SH2D6: variants seen among roughly 807,000 people sequenced by gnomAD.
SH2D6 encodes SH2 domain containing 6.
A neutral mutation model predicts 30.2 loss-of-function variants in SH2D6; 31 were observed. The ratio of observed to expected loss-of-function variants is 1.03; its 90% CI spans 0.77 to 1.38. The LOEUF is 1.38. Ranked by LOEUF, SH2D6 falls within the 40% of genes most tolerant of loss-of-function variation. The pLI, the probability that SH2D6 is intolerant of heterozygous loss-of-function variation, is 0.00. For missense variants in SH2D6, 240 were observed against 266.8 expected, an observed-to-expected ratio of 0.90 and a Z score of 0.70; for synonymous variants, 93 against 104.6, an observed-to-expected ratio of 0.89 and a Z score of 0.68.
At chr2:85,420,369 C>T (rs1687705007) in intron 2 of SH2D6, among the ~76,000 whole-genome samples, 1 of 152,238 alleles carries the variant, frequency 6.6e-6, no homozygotes, top group Non-Finnish European at 1.5e-5. Flanking sequence ...ATCAGCCCAC[C>T]TTGGCCTCCC....
rs1688372990 is a variant in SH2D6 at position 85,429,589 on chromosome 2, C to G, written c.6C>G (p.Asp2Glu). The G allele has an allele frequency of 6.5e-6, 1 of 152,728 alleles. No individual in the cohort carries two copies. The highest frequency in any genetic ancestry group is 2.4e-5 in the African/African-American group (1 of 41,394). 9.5% of individuals were successfully genotyped at this position (152,728 alleles called of 1,614,324 possible). A position where few individuals can be genotyped will look rare whatever the true frequency, so the allele number is the denominator to read the frequency against. M[D>E]KLSGSRPRLG... ...CTCCCCACCCTGGCTTTTTCCAGGA[C>G]AAGCTCAGTGGGAGCAGGCCCCGGT... Residue 2 changes from aspartate to glutamate, a missense_variant and splice_region_variant, in exon 9 of 24, where the codon GAC becomes GAG. Asp to Glu is a conservative substitution (Grantham distance 45). Coordinates refer to ENST00000469800, the MANE Select transcript of SH2D6 (RefSeq NM_001394463.1).
intron 19 of SH2D6, 121 bp downstream of exon 19, chr2:85,434,618 A>T (rs1689174941): frequency 7.2e-5 from 20 of 277,344 alleles, no homozygotes; most frequent in South Asian, 1.5e-4. Flanking sequence ...GACTAGACTT[A>T]AAAAAAAAAA....
rs1465793123 is a variant in SH2D6 at position 85,435,098 on chromosome 2, C to T, written c.623C>T (p.Pro208Leu). ...GRKSSLPSVA[P>L]TGSASAAEDS... is the part of the protein sequence containing the mutation. Reference sequence around the variant, plus strand: ...AAATCGTCTCTTCCCTCTGTAGCCCCCACTGGGAGTGCCTCAGCTGCTGAG... The same window carrying T: ...AAATCGTCTCTTCCCTCTGTAGCCCTCACTGGGAGTGCCTCAGCTGCTGAG... Residue 208 changes from proline to leucine, a missense_variant, in exon 20 of 24, where the codon CCC (proline) becomes CTC (leucine). By Grantham distance (98) the Pro-to-Leu change is moderately conservative. Coordinates refer to ENST00000469800, the MANE Select transcript of SH2D6 (RefSeq NM_001394463.1). 6.2e-7 allele frequency: 1 copy of T among 1,610,784 alleles called. No individual in the cohort carries two copies. Among genetic ancestry groups the T allele is most frequent in the Non-Finnish European group, 8.5e-7 (1 of 1,179,038 alleles).
intron 14 of SH2D6, among the ~76,000 whole-genome samples, chr2:85,432,283 T>C (rs1014077010): frequency 2.6e-5 from 4 of 151,462 alleles, no homozygotes; most frequent in African/African-American, 9.7e-5. Flanking sequence ...AGTCTCGCTC[T>C]GTTACCCATG....
rs1368225233 is a variant in SH2D6, at chr2:85,435,531, C to G, written c.732+35C>G. On this transcript the variant is annotated intron_variant, in intron 21 of 23. Transcript: ENST00000469800. Reference sequence around the variant, plus strand: ...CACGGACCCCGGGTCTTCTCCAAAACCCCTTTTGCTCACAGGCTGTGGCTG... The same window carrying G: ...CACGGACCCCGGGTCTTCTCCAAAAGCCCTTTTGCTCACAGGCTGTGGCTG... The G allele has an allele frequency of 2.5e-6, 4 of 1,606,496 alleles. No homozygotes were observed. The African/African-American group carries it at 5.3e-5, about 21-fold the overall frequency.
intron 20 of SH2D6, 133 bp downstream of exon 20, chr2:85,435,256 C>A: frequency 3.2e-6 from 4 of 1,240,176 alleles, no homozygotes; most frequent in South Asian, 2.6e-5. Flanking sequence ...TGCGGCACCC[C>A]GCCGTGCCCC....
chr2:85,427,544 G>T (rs1275171726), intron 6 of SH2D6, among the ~76,000 whole-genome samples: 1 of 152,206 alleles, frequency 6.6e-6, no homozygotes, highest in Non-Finnish European at 1.5e-5. Flanking sequence ...AGAGCAGGGA[G>T]GTGGCTGGAG....
chr2:85,421,609 C>T (rs1221275358), intron 2 of SH2D6: 1 of 152,212 alleles, frequency 6.6e-6, no homozygotes, highest in African/African-American at 2.4e-5. Context: ...ACAGTGGCTG[C>T]CCATTTACAT....
intron 14 of SH2D6, among the ~76,000 whole-genome samples, 185 bp from the exon 15 acceptor site, chr2:85,432,914 C>G (rs1688924417): frequency 6.6e-6 from 1 of 152,192 alleles, no homozygotes; most frequent in Non-Finnish European, 1.5e-5. Context: ...AAAGGTGACA[C>G]CATAGGGCTG....
chr2:85,427,420 T>C (rs1385256883), intron 6 of SH2D6, among the ~76,000 whole-genome samples: 1 of 152,248 alleles, frequency 6.6e-6, no homozygotes, highest in Non-Finnish European at 1.5e-5. Context: ...TCCTTCCCCT[T>C]CTCCCAGATC....
chr2:85,421,903 C>T (rs544247188), intron 2 of SH2D6: 5 of 152,426 alleles, frequency 3.3e-5, no homozygotes, highest in African/African-American at 1.2e-4. Flanking sequence ...CACTCTCCCC[C>T]ACACCCAACC....
intron 20 of SH2D6, 111 bp from the exon 21 acceptor site, chr2:85,435,302 C>T (rs1167245325): frequency 7.5e-7 from 1 of 1,328,428 alleles, no homozygotes; most frequent in Non-Finnish European, 1.1e-6. Context: ...CTGAGGGGGA[C>T]TCAGTTGAGC....
intron 22 of SH2D6, 23 bp downstream of exon 22, chr2:85,435,847 G>A (rs934521188): frequency 1.3e-6 from 2 of 1,558,974 alleles, no homozygotes; most frequent in Non-Finnish European, 1.7e-6. Flanking sequence ...GGAGGCAGGG[G>A]CCTAAGGAGG....
At chr2:85,428,983 C>T (rs1209768912) in intron 7 of SH2D6, among the ~76,000 whole-genome samples, 1 of 152,196 alleles carries the variant, frequency 6.6e-6, no homozygotes, top group Admixed American at 6.5e-5. Context: ...ATGAAGCTGC[C>T]ACACTAAATA....
Position 85,434,359 on chromosome 2 carries a change from G to C in SH2D6, c.553G>C (p.Glu185Gln), listed in dbSNP as rs775766693. 1.3e-5 allele frequency: 20 copies of C among 1,549,158 alleles called. No individual in the cohort carries two copies. The South Asian group carries it at 2.0e-4, about 16-fold the overall frequency. The stretch of plus-strand genomic sequence containing the variant: ...CCACAGGCCTACCACAGCCCCCCAG[G>C]AAACTCGGAATGTAAGAGGCTGATG... ...VVPRPTTAPQ[E>Q]TRNGTADAAS... Residue 185 changes from glutamate to glutamine, a missense_variant, in exon 18 of 24, where the codon GAA becomes CAA. Physicochemically the swap from Glu to Gln is conservative, Grantham distance 29. Coordinates refer to ENST00000469800, the MANE Select transcript of SH2D6 (RefSeq NM_001394463.1).
intron 5 of SH2D6, among the ~76,000 whole-genome samples, chr2:85,425,008 G>A (rs1335044542): frequency 2.6e-5 from 4 of 152,122 alleles, no homozygotes; most frequent in Admixed American, 1.3e-4. Context: ...AGAGGTTGCA[G>A]TGAGCCAAGA....
chr2:85,431,503 G>A (rs939390672), intron 13 of SH2D6, among the ~76,000 whole-genome samples: 4 of 151,988 alleles, frequency 2.6e-5, no homozygotes, highest in Non-Finnish European at 5.9e-5. Flanking sequence ...CTTCACCCAC[G>A]GTGCCCTTCT....
chr2:85,433,063 C>T (rs1272387559), intron 14 of SH2D6, 36 bp from the exon 15 acceptor site: 12 of 985,804 alleles, frequency 1.2e-5, no homozygotes, highest in African/African-American at 1.7e-5. Context: ...TGCTCCCTGC[C>T]GTGCATGACA....
chr2:85,421,590 C>G (rs1049992158), intron 2 of SH2D6: 2 of 152,262 alleles, frequency 1.3e-5, no homozygotes, highest in Admixed American at 1.3e-4. Flanking sequence ...GGCCGTGAAC[C>G]TAGCAGACAC....
Sources: gnomAD v4.1 joint callset for allele counts (sites outside exome capture counted in the v4.1 genomes callset) on GRCh38, gnomAD v4.1.1 for gene constraint, MANE v1.5 for transcripts, NCBI Gene and HGNC (gene_info 2026-07-23, HGNC 2026-07-21) for gene names.